Variants in ANLN observed in about 807,000 individuals in gnomAD.
ANLN encodes the protein anillin, actin binding protein.
Under a neutral mutation model 135.1 loss-of-function variants are expected in ANLN, and 59 were observed. The ratio of observed to expected loss-of-function variants is 0.44; its 90% CI spans 0.35 to 0.54. The LOEUF (loss-of-function observed/expected upper bound fraction) is 0.54, where lower values mean the gene tolerates loss of function less well. Among genes scored for constraint, ANLN ranks in the 20% least tolerant of loss-of-function variants. The pLI is 0.00. For missense variants in ANLN, 1,182 were observed against 1,340.0 expected (o/e 0.88, Z 1.84); for synonymous variants, 406 against 456.4 (o/e 0.89, Z 1.41).
chr7:36,416,140 C>T (rs1453697612), intron 8 of ANLN, among the ~76,000 whole-genome samples: 2 of 152,168 alleles, frequency 1.3e-5, no homozygotes, highest in Non-Finnish European at 2.9e-5. Flanking sequence ...CCTGCCTCAG[C>T]CTCCCGAGTA....
intron 23 of ANLN, among the ~76,000 whole-genome samples, chr7:36,451,048 A>C (rs959486396): frequency 5.3e-5 from 8 of 152,346 alleles, no homozygotes; most frequent in African/African-American, 1.9e-4. Context: ...TCGCCCAAGC[A>C]TATGAGAGTA....
chr7:36,391,197 T>G (rs544327350), intron 1 of ANLN, among the ~76,000 whole-genome samples: 1 of 152,338 alleles, frequency 6.6e-6, no homozygotes, highest in Admixed American at 6.5e-5. Context: ...TAGAAAAATC[T>G]AGAGCCTATT....
intron 17 of ANLN, among the ~76,000 whole-genome samples, chr7:36,425,038 CTT>C (rs1332092238): frequency 6.6e-6 from 1 of 152,124 alleles, no homozygotes; most frequent in African/African-American, 2.4e-5. Flanking sequence ...CCTGAGCCCT[CTT>C]CTCTCTGTGT....
chr7:36,398,170 G>C (rs1251930800), intron 2 of ANLN, among the ~76,000 whole-genome samples: 1 of 137,374 alleles, frequency 7.3e-6, no homozygotes, highest in Admixed American at 7.4e-5. Context: ...GGTTCTGATA[G>C]ATTTTTTTTT....
intron 7 of ANLN, among the ~76,000 whole-genome samples, chr7:36,414,710 T>A (rs1012785072): frequency 6.6e-6 from 1 of 152,194 alleles, no homozygotes; most frequent in Non-Finnish European, 1.5e-5. Flanking sequence ...TTTTAAAAAA[T>A]TTTTATGTAT....
intron 1 of ANLN, chr7:36,390,432 ACT>A: frequency 4.1e-6 from 1 of 246,640 alleles, no homozygotes; most frequent in Admixed American, 5.2e-5. Context: ...GGGGCCGGTG[ACT>A]CAGTGCGGCT....
chr7:36,391,755 A>G (rs1408686826), intron 1 of ANLN, among the ~76,000 whole-genome samples: 2 of 152,244 alleles, frequency 1.3e-5, no homozygotes, highest in African/African-American at 4.8e-5. Flanking sequence ...CAATTCTCCC[A>G]AGGATAATTC....
At chr7:36,417,057 TG>T in intron 8 of ANLN, 22 bp from the exon 9 acceptor site, 1 of 1,284,650 alleles carries the variant, frequency 7.8e-7, no homozygotes, top group Non-Finnish European at 1.1e-6. Context: ...TATATTAATA[TG>T]GTCTTTCTTA....
In ANLN at chr7:36,403,961, C is replaced by T. The variant is rs555759683; in HGVS notation, c.488-2220C>T. Among the ~76,000 whole-genome samples, 7 of 151,900 alleles carry T rather than the reference C, an allele frequency of 4.6e-5. No individual in the cohort carries two copies. In the South Asian group the frequency reaches 1.0e-3, roughly 23 times the overall value. ...CAGGCATGAGCCCACCGCTCCTTGC[C>T]GGGATGTTTGTTTGTTTGTTTGTTT... On this transcript the variant is annotated intron_variant, in intron 3 of 23. Coordinates refer to ENST00000265748, the MANE Select transcript of ANLN (RefSeq NM_018685.5).
chr7:36,430,645 A>G (rs536408310), intron 20 of ANLN, among the ~76,000 whole-genome samples: 5 of 152,322 alleles, frequency 3.3e-5, no homozygotes, highest in South Asian at 4.1e-4. Flanking sequence ...AAGTAAAACA[A>G]CCAATTAGGA....
chr7:36,451,923 G>A (rs1223982109), intron 23 of ANLN, among the ~76,000 whole-genome samples: 5 of 152,294 alleles, frequency 3.3e-5, no homozygotes, highest in African/African-American at 1.2e-4. Flanking sequence ...AGAGAGGTTA[G>A]GATAGACAAA....
At chr7:36,396,520 G>T in intron 2 of ANLN, 101 bp downstream of exon 2, 1 of 1,206,420 alleles carries the variant, frequency 8.3e-7, no homozygotes. Flanking sequence ...CAAGCTCTTT[G>T]GGAGACAAAT....
At chr7:36,442,942 G>GTT (rs71553067) in intron 21 of ANLN, among the ~76,000 whole-genome samples, 135 of 147,528 alleles carry the variant, frequency 9.2e-4, no homozygotes, top group African/African-American at 2.2e-3. Context: ...TTTGTTTGTT[G>GTT]TTTTTTTTTT....
intron 22 of ANLN, among the ~76,000 whole-genome samples, chr7:36,446,684 G>C (rs1408698532): frequency 2.0e-5 from 3 of 152,200 alleles, no homozygotes; most frequent in Non-Finnish European, 4.4e-5. Flanking sequence ...AAATCCGCCT[G>C]CATGATCCAG....
At chr7:36,396,149 T>G (rs1301354355) in intron 1 of ANLN, 117 bp from the exon 2 acceptor site, 29 of 819,930 alleles carry the variant, frequency 3.5e-5, no homozygotes, top group Non-Finnish European at 4.8e-5. Context: ...AGGATTTCAC[T>G]TTTGAAATGT....
chr7:36,426,984 T>C lies in ANLN; in HGVS notation c.2839T>C (p.Leu947=). The change falls in exon 20 of 24, where the codon TTA becomes CTA. Residue 947 remains leucine (L), a synonymous_variant. Transcript: ENST00000265748. The stretch of plus-strand genomic sequence containing the variant: ...CTTCGCCCTTGTTGGATCTTACACA[T>C]TATCATTGTCTTCAGTAGGAAATAC... The part of the protein sequence containing the change: ...SNFALVGSYT[L]SLSSVGNTKF... 6.2e-7 allele frequency: 1 copy of C among 1,613,446 alleles called. No homozygotes were observed. Among genetic ancestry groups the C allele is most frequent in the Non-Finnish European group, 8.5e-7 (1 of 1,179,718 alleles).
Position 36,423,833 on chromosome 7 carries a change from T to C in ANLN, c.2493T>C (p.Tyr831=). The C allele has an allele frequency of 6.2e-7, 1 of 1,610,538 alleles. No homozygotes were observed. The highest frequency in any genetic ancestry group is 8.5e-7 in the Non-Finnish European group (1 of 1,178,672). ...TTCTTACAGATGCAGCAAATTACTA[T>C]TACTTAATTATACTAAAAGCAGGAG... ...TVQKPDAANY[Y]YLIILKAGAE... The change falls in exon 15 of 24, where the codon TAT becomes TAC. Residue 831 remains tyrosine, a synonymous_variant. Transcript: ENST00000265748.
chr7:36,422,658 T>C lies in ANLN; in HGVS notation c.2325T>C (p.Asp775=), dbSNP rs769240343. The part of the protein sequence containing the change: ...IATGKRTLLI[D]ELNKLKNEGP... ...CTGGGAAGAGAACACTTTTGATTGA[T>C]GAATTGAATAAATTGAAGAACGAAG... Residue 775 remains aspartate, a synonymous_variant, in exon 14 of 24, where the codon GAT becomes GAC. Transcript: ENST00000265748. 8.1e-6 allele frequency: 13 copies of C among 1,608,232 alleles called. No homozygotes were observed. The highest frequency in any genetic ancestry group is 4.5e-5 in the South Asian group (4 of 89,784).
chr7:36,413,695 C>T (rs1038552170), intron 7 of ANLN, among the ~76,000 whole-genome samples: 1 of 152,100 alleles, frequency 6.6e-6, no homozygotes, highest in Non-Finnish European at 1.5e-5. Flanking sequence ...AAGGCAGTGT[C>T]TTTAAAGTCA....
Sources: allele counts gnomAD v4.1 joint callset (sites outside exome capture counted in the v4.1 genomes callset), GRCh38; gene constraint gnomAD v4.1.1; transcripts MANE v1.5; gene names NCBI Gene and HGNC (gene_info 2026-07-23, HGNC 2026-07-21).